The following SERPINA12 variants were observed in gnomAD, a reference collection of about 807,000 sequenced individuals.
SERPINA12 encodes the protein serpin family A member 12.
In SERPINA12, 21 loss-of-function variants were observed where a neutral mutation model predicts 25.9. The ratio of observed to expected loss-of-function variants is 0.81; its 90% CI spans 0.58 to 1.17. The LOEUF (loss-of-function observed/expected upper bound fraction) is 1.17, where lower values mean the gene tolerates loss of function less well. Among genes scored for constraint, SERPINA12 ranks in the 50% most tolerant of loss-of-function variants. The pLI is 0.00. For missense variants in SERPINA12, 562 were observed against 508.3 expected, an observed-to-expected ratio of 1.11 and a Z score of -1.02; for synonymous variants, 220 against 196.0, an observed-to-expected ratio of 1.12 and a Z score of -1.02.
rs778393243 is a variant in SERPINA12, at chr14:94,498,422, G to A, written c.-25C>T. Reference sequence around the variant, plus strand: ...TTTTCCTTGAAGAATATCCTGTTGAGTAGTAGACCTGAGGTCAGCAGAAAA... The same window carrying A: ...TTTTCCTTGAAGAATATCCTGTTGAATAGTAGACCTGAGGTCAGCAGAAAA... On this transcript the variant is annotated 5_prime_UTR_variant, in exon 2 of 5. Coordinates refer to ENST00000677451, the MANE Select transcript of SERPINA12 (RefSeq NM_001382267.1). 1 of 1,603,462 alleles carries A rather than the reference G, an allele frequency of 6.2e-7. No homozygotes were observed. Among genetic ancestry groups the A allele is most frequent in the Non-Finnish European group, 8.5e-7 (1 of 1,174,340 alleles).
chr14:94,510,133 C>T (rs1901071420), upstream of SERPINA12: 1 of 985,446 alleles, frequency 1.0e-6, no homozygotes, highest in Non-Finnish European at 1.2e-6. Flanking sequence ...GAAGCCATCC[C>T]TTCCTCTGGT....
chr14:94,495,408 A>C (rs1314315075), intron 3 of SERPINA12, among the ~76,000 whole-genome samples: 1 of 152,122 alleles, frequency 6.6e-6, no homozygotes, highest in East Asian at 1.9e-4. Flanking sequence ...CTCTAGATAT[A>C]AGAGATGCAT....
chr14:94,507,031 C>T (rs1010454945), intron 1 of SERPINA12, among the ~76,000 whole-genome samples: 2 of 152,174 alleles, frequency 1.3e-5, no homozygotes, highest in Non-Finnish European at 2.9e-5. Context: ...AAGGGCATCG[C>T]TACAGTTCAA....
chr14:94,496,718 C>T (rs1312538405), intron 2 of SERPINA12, 75 bp from the exon 3 acceptor site: 4 of 1,237,054 alleles, frequency 3.2e-6, no homozygotes, highest in African/African-American at 3.0e-5. Context: ...AACCAGTAGT[C>T]TCTCTCCACA....
In SERPINA12 at chr14:94,498,214, T is replaced by C. The variant is rs1253794452; in HGVS notation, c.184A>G (p.Lys62Glu). The change falls in exon 2 of 5, where the codon AAG becomes GAG. Residue 62 changes from lysine (K) to glutamate (E), a missense_variant. By Grantham distance (56) the Lys-to-Glu change is moderately conservative (BLOSUM62 1). Coordinates refer to ENST00000677451, the MANE Select transcript of SERPINA12 (RefSeq NM_001382267.1). The part of the protein sequence containing the change: ...NMDLGFKLLK[K>E]LAFYNPGRNI... ...CTGCCAGGGTTGTAAAAGGCCAGCTTCTTGAGCAGCTTAAAGCCTAAGTCC... is the reference window on the plus strand; with the variant it reads ...CTGCCAGGGTTGTAAAAGGCCAGCTCCTTGAGCAGCTTAAAGCCTAAGTCC... 1 of 1,614,160 alleles carries C rather than the reference T, an allele frequency of 6.2e-7. No individual in the cohort carries two copies. The highest frequency in any genetic ancestry group is 8.5e-7 in the Non-Finnish European group (1 of 1,180,012).
exon 1 of SERPINA12, chr14:94,517,586 A>C (rs556915916): frequency 1.3e-5 from 2 of 152,072 alleles, no homozygotes; most frequent in South Asian, 2.1e-4. Flanking sequence ...TGATATTTTT[A>C]AAAAACCTCT....
Position 94,508,200 on chromosome 14 carries a change from T to C in SERPINA12, c.-34+1142A>G, listed in dbSNP as rs1449013165. Reference sequence around the variant, plus strand: ...AGTAAATGCAATGTATTTTCAGTCATTGAATTCAACTCCAATTGGGGAGCT... The same window carrying C: ...AGTAAATGCAATGTATTTTCAGTCACTGAATTCAACTCCAATTGGGGAGCT... On this transcript the variant is annotated intron_variant, in intron 1 of 4. Coordinates refer to ENST00000677451, the MANE Select transcript of SERPINA12 (RefSeq NM_001382267.1). Among the ~76,000 whole-genome samples, 3 of 152,266 alleles carry C rather than the reference T, an allele frequency of 2.0e-5. No individual in the cohort carries two copies. The East Asian group carries it at 5.8e-4, about 29-fold the overall frequency.
At chr14:94,493,090 G>T (rs1428122375) in intron 3 of SERPINA12, among the ~76,000 whole-genome samples, 2 of 152,214 alleles carry the variant, frequency 1.3e-5, no homozygotes, top group African/African-American at 4.8e-5. Flanking sequence ...CCAGTCTGGA[G>T]AGGACTGCAG....
intron 1 of SERPINA12, among the ~76,000 whole-genome samples, chr14:94,516,635 C>G (rs1901242026): frequency 6.6e-6 from 1 of 152,208 alleles, no homozygotes; most frequent in Non-Finnish European, 1.5e-5. Flanking sequence ...TACCTGGAAC[C>G]ACAGAGGGTG....
At chr14:94,507,748 C>T (rs1264360199) in intron 1 of SERPINA12, among the ~76,000 whole-genome samples, 1 of 152,142 alleles carries the variant, frequency 6.6e-6, no homozygotes, top group East Asian at 1.9e-4. Context: ...GTGTGCAAAC[C>T]GACACCAACG....
chr14:94,500,534 T>A (rs892933441), intron 1 of SERPINA12, among the ~76,000 whole-genome samples: 1 of 152,098 alleles, frequency 6.6e-6, no homozygotes, highest in Non-Finnish European at 1.5e-5. Flanking sequence ...TCTGCCCTGA[T>A]CCTTGTTTAG....
rs1435220260 is a variant in SERPINA12 at position 94,498,096 on chromosome 14, C to G, written c.302G>C (p.Gly101Ala). ...TTCTGGCATCTTTCTGAAGTTGAAC[C>G]CCTGCTTGATCTCGTCCAGGGTGCT... ...QDSTLDEIKQ[G>A]FNFRKMPEKD... Residue 101 changes from glycine (G) to alanine (A), a missense_variant, in exon 2 of 5, where the codon GGG becomes GCG. Transcript: ENST00000677451. 6.2e-7 allele frequency: 1 copy of G among 1,614,012 alleles called. No individual in the cohort carries two copies. Among genetic ancestry groups the G allele is most frequent in the Non-Finnish European group, 8.5e-7 (1 of 1,180,046 alleles).
At chr14:94,495,268 C>T (rs937666287) in intron 3 of SERPINA12, among the ~76,000 whole-genome samples, 1 of 151,526 alleles carries the variant, frequency 6.6e-6, no homozygotes, top group Non-Finnish European at 1.5e-5. Flanking sequence ...CAGGGTTTCA[C>T]CGTTTTAGCC....
At chr14:94,516,568 T>C (rs1901240597) in intron 1 of SERPINA12, among the ~76,000 whole-genome samples, 1 of 152,164 alleles carries the variant, frequency 6.6e-6, no homozygotes, top group Admixed American at 6.5e-5. Context: ...CCTCAGAGTG[T>C]TCCTGCTTAA....
At chr14:94,493,433 G>A (rs1362645794) in intron 3 of SERPINA12, among the ~76,000 whole-genome samples, 1 of 152,178 alleles carries the variant, frequency 6.6e-6, no homozygotes, top group African/African-American at 2.4e-5. Flanking sequence ...TGGCCCTCCT[G>A]GTGGGGAGGC....
upstream of SERPINA12, chr14:94,511,606 C>A (rs1038131277): frequency 1.0e-6 from 1 of 985,310 alleles, no homozygotes; most frequent in African/African-American, 1.7e-5. Flanking sequence ...TTCAGTTTTC[C>A]ATCTCTGAGC....
At chr14:94,506,057 C>A (rs1283001109) in intron 1 of SERPINA12, among the ~76,000 whole-genome samples, 1 of 152,224 alleles carries the variant, frequency 6.6e-6, no homozygotes, top group Non-Finnish European at 1.5e-5. Flanking sequence ...GCTGCCCCGA[C>A]TGCCTGTAGT....
chr14:94,497,962 G>A lies in SERPINA12; in HGVS notation c.436C>T (p.Pro146Ser). Reference sequence around the variant, plus strand: ...GCATCTTCCAAAAACTTACGCTGTGGCTGCAGCCTCTGGTCAATGAACAGC... The same window carrying A: ...GCATCTTCCAAAAACTTACGCTGTGACTGCAGCCTCTGGTCAATGAACAGC... ...NTLFIDQRLQ[P>S]QRKFLEDAKN... Residue 146 changes from proline to serine, a missense_variant, in exon 2 of 5, where the codon CCA (proline) becomes TCA (serine). Physicochemically the swap from Pro to Ser is moderately conservative, Grantham distance 74. Coordinates refer to ENST00000677451, the MANE Select transcript of SERPINA12 (RefSeq NM_001382267.1). 6.2e-7 allele frequency: 1 copy of A among 1,614,208 alleles called. No homozygotes were observed. The highest frequency in any genetic ancestry group is 8.5e-7 in the Non-Finnish European group (1 of 1,180,026).
At position 94,505,512 on chromosome 14, in the gene SERPINA12, G is replaced by A. The variant is rs113690508; in HGVS notation, c.-34+3830C>T. On this transcript the variant is annotated intron_variant, in intron 1 of 4. Transcript: ENST00000677451. ...ACTGGCCGGCTCTGGTCACCAAGGG[G>A]TTGCAGAGGAGACAGAAGGACAGGC... Among the ~76,000 whole-genome samples, 423 of 152,344 alleles carry A rather than the reference G, an allele frequency of 2.8e-3. 5 individuals carry two copies. The highest frequency in any genetic ancestry group is 9.7e-3 in the African/African-American group (405 of 41,578).
Sources: gnomAD v4.1 joint callset for allele counts (sites outside exome capture counted in the v4.1 genomes callset) on GRCh38, gnomAD v4.1.1 for gene constraint, MANE v1.5 for transcripts, NCBI Gene and HGNC (gene_info 2026-07-23, HGNC 2026-07-21) for gene names.